PALLD: variants seen among roughly 807,000 people sequenced by gnomAD.
The protein encoded by PALLD is palladin, cytoskeletal associated protein.
A neutral mutation model predicts 123.5 loss-of-function variants in PALLD; 61 were observed. That is an observed-to-expected ratio of 0.49 (90% CI 0.40 to 0.61). PALLD has a LOEUF of 0.61. Among genes scored for constraint, PALLD ranks in the 20% least tolerant of loss-of-function variants. PALLD has a pLI of 0.00. For missense variants in PALLD, 1,273 were observed against 1,377.0 expected, an observed-to-expected ratio of 0.92 and a Z score of 1.20; for synonymous variants, 465 against 496.4, an observed-to-expected ratio of 0.94 and a Z score of 0.84.
chr4:168,622,436 T>A (rs962016656), intron 2 of PALLD, among the ~76,000 whole-genome samples: 2 of 152,190 alleles, frequency 1.3e-5, no homozygotes, highest in African/African-American at 4.8e-5. Context: ...AGATGTTGAG[T>A]TTCAGGACAA....
intron 10 of PALLD, among the ~76,000 whole-genome samples, chr4:168,838,917 T>C (rs570096563): frequency 1.3e-5 from 2 of 152,288 alleles, no homozygotes; most frequent in East Asian, 3.9e-4. Context: ...ATTGAGTTAA[T>C]CTCATTCCCA....
intron 2 of PALLD, among the ~76,000 whole-genome samples, chr4:168,650,381 A>G (rs1473822395): frequency 2.0e-5 from 3 of 152,256 alleles, no homozygotes; most frequent in African/African-American, 7.2e-5. Context: ...ATAGAAGTCT[A>G]CAGTTAGTCT....
intron 11 of PALLD, among the ~76,000 whole-genome samples, chr4:168,892,599 TAA>T: frequency 6.6e-6 from 1 of 152,280 alleles, no homozygotes; most frequent in African/African-American, 2.4e-5. Flanking sequence ...CTCCCTGAAA[TAA>T]GTGATTGCAT....
At chr4:168,897,219 G>T (rs924549101) in intron 13 of PALLD, among the ~76,000 whole-genome samples, 2 of 151,944 alleles carry the variant, frequency 1.3e-5, no homozygotes, top group African/African-American at 4.8e-5. Context: ...CTTTCTATGG[G>T]GAACAAAAGT....
At chr4:168,830,058 C>T (rs1016263849) in intron 10 of PALLD, among the ~76,000 whole-genome samples, 4 of 151,902 alleles carry the variant, frequency 2.6e-5, no homozygotes, top group African/African-American at 9.7e-5. Context: ...ATGGTGAAAC[C>T]CCATCTCTAC....
intron 10 of PALLD, among the ~76,000 whole-genome samples, chr4:168,794,539 C>G (rs1220797333): frequency 4.0e-5 from 6 of 149,466 alleles, no homozygotes. Flanking sequence ...CACACACACA[C>G]CCCTCTGGCT....
intron 3 of PALLD, among the ~76,000 whole-genome samples, chr4:168,673,479 G>A (rs1402419953): frequency 6.6e-6 from 1 of 152,260 alleles, no homozygotes; most frequent in Non-Finnish European, 1.5e-5. Context: ...GGAAGAGTTA[G>A]CTCAGAGGCT....
intron 2 of PALLD, among the ~76,000 whole-genome samples, chr4:168,582,273 A>C (rs1026199067): frequency 6.6e-6 from 1 of 152,090 alleles, no homozygotes; most frequent in African/African-American, 2.4e-5. Context: ...TTTTTCATAT[A>C]GTTCATTGTT....
At chr4:168,801,792 C>G (rs1025180545) in intron 10 of PALLD, among the ~76,000 whole-genome samples, 1 of 152,182 alleles carries the variant, frequency 6.6e-6, no homozygotes, top group African/African-American at 2.4e-5. Flanking sequence ...GTCAGGGAAC[C>G]TGCCTGCTGC....
intron 2 of PALLD, among the ~76,000 whole-genome samples, chr4:168,550,221 G>T (rs1168274493): frequency 6.6e-6 from 1 of 152,156 alleles, no homozygotes; most frequent in Non-Finnish European, 1.5e-5. Flanking sequence ...GTTCCTCAGG[G>T]CTAATCCTAA....
intron 10 of PALLD, among the ~76,000 whole-genome samples, chr4:168,889,832 C>T (rs1753906718): frequency 6.6e-6 from 1 of 152,234 alleles, no homozygotes; most frequent in Admixed American, 6.5e-5. Flanking sequence ...ATCTGCATTT[C>T]TAACAACTTC....
chr4:168,836,224 G>A (rs920668088), intron 10 of PALLD, among the ~76,000 whole-genome samples: 16 of 152,192 alleles, frequency 1.1e-4, no homozygotes, highest in South Asian at 4.1e-4. Flanking sequence ...CTCAATGCGC[G>A]TTAGCCCAAC....
intron 2 of PALLD, among the ~76,000 whole-genome samples, chr4:168,626,395 C>T (rs1439227659): frequency 1.1e-5 from 1 of 93,472 alleles, no homozygotes; most frequent in Non-Finnish European, 2.1e-5. Flanking sequence ...AGCGAGACTC[C>T]ATCTCAAAAA....
chr4:168,560,771 C>T (rs550284486), intron 2 of PALLD, among the ~76,000 whole-genome samples: 1 of 152,260 alleles, frequency 6.6e-6, no homozygotes, highest in Non-Finnish European at 1.5e-5. Flanking sequence ...TTGTGGAAGG[C>T]AGGTCTAACC....
Position 168,927,944 on chromosome 4 carries a change from A to G in PALLD, c.*1764A>G, listed in dbSNP as rs911032594. 2 of 199,676 alleles carry G rather than the reference A, an allele frequency of 1.0e-5. No homozygotes were observed. The highest frequency in any genetic ancestry group is 1.2e-4 in the Admixed American group (2 of 16,638). The allele number at this position is 199,676 out of a possible 1,614,324, so 12.4% of individuals were successfully genotyped here. On this transcript the variant is annotated 3_prime_UTR_variant, in exon 22 of 22. Coordinates refer to ENST00000505667, the MANE Select transcript of PALLD (RefSeq NM_001166108.2). The stretch of plus-strand genomic sequence containing the variant: ...ATTTATAAGTGGCCTCTCTTAGCTC[A>G]GTTACTCAATTCATACGTAGTATTT...
intron 2 of PALLD, among the ~76,000 whole-genome samples, chr4:168,522,152 A>G (rs1387421862): frequency 6.6e-6 from 1 of 152,184 alleles, no homozygotes; most frequent in African/African-American, 2.4e-5. Context: ...TTGCTTTGTG[A>G]GCATGTGTTA....
chr4:168,644,919 A>G (rs1445721411), intron 2 of PALLD, among the ~76,000 whole-genome samples: 5 of 151,996 alleles, frequency 3.3e-5, no homozygotes, highest in African/African-American at 1.2e-4. Context: ...CCTGGCCAAT[A>G]TGGAAACCCT....
At chr4:168,884,032 G>A (rs964819291) in intron 10 of PALLD, among the ~76,000 whole-genome samples, 1 of 151,148 alleles carries the variant, frequency 6.6e-6, no homozygotes, top group African/African-American at 2.4e-5. Context: ...AAAAGAAGGT[G>A]CCACTTCAGG....
chr4:168,552,518 G>T (rs1766843904), intron 2 of PALLD, among the ~76,000 whole-genome samples: 1 of 152,068 alleles, frequency 6.6e-6, no homozygotes, highest in Admixed American at 6.6e-5. Flanking sequence ...TTCCTGTTTG[G>T]AAACACAATG....
Sources: gnomAD v4.1 joint callset for allele counts (sites outside exome capture counted in the v4.1 genomes callset) on GRCh38, gnomAD v4.1.1 for gene constraint, MANE v1.5 for transcripts, NCBI Gene and HGNC (gene_info 2026-07-23, HGNC 2026-07-21) for gene names.